Variants in DNHD1 observed in about 807,000 individuals in gnomAD.
DNHD1 encodes dynein heavy chain domain-containing protein 1.
In DNHD1, 383 loss-of-function variants were observed where a neutral mutation model predicts 458.1. The observed-to-expected ratio is 0.84, with a 90% CI of 0.77 to 0.91. The LOEUF (loss-of-function observed/expected upper bound fraction) is 0.91. DNHD1 is among the 40% of genes least tolerant of loss of function. DNHD1 has a pLI of 0.00. For synonymous variants in DNHD1, 2,203 were observed against 2,376.9 expected, an observed-to-expected ratio of 0.93 and a Z score of 2.13; for missense variants, 5,336 against 5,866.1, an observed-to-expected ratio of 0.91 and a Z score of 2.95.
At chr11:6,561,150 G>A (rs2134451156) in intron 28 of DNHD1, among the ~76,000 whole-genome samples, 1 of 152,294 alleles carries the variant, frequency 6.6e-6, no homozygotes, top group East Asian at 1.9e-4. Context: ...TTAATATTAG[G>A]TTAGGCCAGG....
chr11:6,560,592 G>A (rs1853565908), intron 28 of DNHD1, among the ~76,000 whole-genome samples: 1 of 152,156 alleles, frequency 6.6e-6, no homozygotes, highest in African/African-American at 2.4e-5. Flanking sequence ...AGTATTCCTT[G>A]ATCTGTGAGT....
intron 6 of DNHD1, among the ~76,000 whole-genome samples, chr11:6,510,936 TTCTC>T (rs1195053576): frequency 1.3e-5 from 2 of 152,154 alleles, no homozygotes; most frequent in Non-Finnish European, 2.9e-5. Flanking sequence ...ACCTTTAGCT[TTCTC>T]TATTCCAAGG....
At position 6,519,501 on chromosome 11, in the gene DNHD1, A is replaced by T. The variant is rs2134393700; in HGVS notation, c.1393-99A>T. 2.2e-6 allele frequency: 3 copies of T among 1,365,044 alleles called. No homozygotes were observed. The East Asian group carries it at 6.9e-5, about 31-fold the overall frequency. The allele number at this position is 1,365,044 out of a possible 1,614,324, so 84.6% of individuals were successfully genotyped here. ...CCCTCCATATGTATATCTAGGTTCT[A>T]GGTCCCAGACTCCAAGACCTGAGAG... On this transcript the variant is annotated intron_variant, in intron 7 of 42. Coordinates refer to ENST00000254579, the MANE Select transcript of DNHD1 (RefSeq NM_144666.3).
At chr11:6,565,331 A>AGG (rs1293149677) in intron 32 of DNHD1, among the ~76,000 whole-genome samples, 1 of 152,234 alleles carries the variant, frequency 6.6e-6, no homozygotes, top group Non-Finnish European at 1.5e-5. Context: ...TACAAGAGGC[A>AGG]GAAGAAAAGG....
At position 6,568,139 on chromosome 11, in the gene DNHD1, T is replaced by C; in HGVS notation, c.12435T>C (p.Ala4145=). The C allele has an allele frequency of 6.4e-7, 1 of 1,561,032 alleles. No individual in the cohort carries two copies. The highest frequency in any genetic ancestry group is 2.4e-5 in the East Asian group (1 of 41,732). Residue 4145 remains alanine (A), a synonymous_variant, in exon 37 of 43, where the codon GCT becomes GCC. Coordinates refer to ENST00000254579, the MANE Select transcript of DNHD1 (RefSeq NM_144666.3). ...VSVVVSTLSQ[A]MYEGHWLVLD... is the part of the protein sequence containing the mutation. ...TTGTGGTCAGCACTCTATCCCAGGC[T>C]ATGTATGAGGGGCACTGGCTGGTGC...
chr11:6,512,221 T>A, intron 7 of DNHD1, among the ~76,000 whole-genome samples: 1 of 125,788 alleles, frequency 7.9e-6, no homozygotes, highest in African/African-American at 3.4e-5. Context: ...CTTTTTTTTT[T>A]TTTTTTTTTT....
At position 6,546,253 on chromosome 11, in the gene DNHD1, C is replaced by G; in HGVS notation, c.5314C>G (p.Arg1772Gly). 6.4e-7 allele frequency: 1 copy of G among 1,552,248 alleles called. No individual in the cohort carries two copies. The highest frequency in any genetic ancestry group is 1.2e-5 in the South Asian group (1 of 84,044). Residue 1772 changes from arginine to glycine, a missense_variant, in exon 21 of 43, where the codon CGA (arginine) becomes GGA (glycine). Physicochemically the swap from Arg to Gly is moderately radical, Grantham distance 125. This residue lies in a region of DNHD1 where 3,932 missense variants were observed against 4,365.6 expected (regional missense o/e 0.90). Transcript: ENST00000254579. Reference protein sequence around the residue: ...LYAPLYQEASRNTSTIDPTQP... With the variant: ...LYAPLYQEASGNTSTIDPTQP... ...TGCCCCACTGTACCAGGAGGCTTCC[C>G]GAAACACAAGCACCATAGACCCCAC...
At chr11:6,506,353 A>C (rs1282314700) in intron 4 of DNHD1, among the ~76,000 whole-genome samples, 1 of 152,148 alleles carries the variant, frequency 6.6e-6, no homozygotes. Context: ...CTCGACCCAA[A>C]GGCTGGGGGA....
At position 6,572,012 on chromosome 11, in the gene DNHD1, G is replaced by A. The variant is rs370881184; in HGVS notation, c.*26G>A. 5.1e-6 allele frequency: 8 copies of A among 1,575,202 alleles called. No homozygotes were observed. The African/African-American group carries it at 9.4e-5, about 19-fold the overall frequency. On this transcript the variant is annotated 3_prime_UTR_variant, in exon 43 of 43. Coordinates refer to ENST00000254579, the MANE Select transcript of DNHD1 (RefSeq NM_144666.3). The stretch of plus-strand genomic sequence containing the variant: ...GCCCGTCTACCAAAATAAAGTTGTA[G>A]TGATTCCATGAAAGATTTCTGAGAT...
intron 39 of DNHD1, among the ~76,000 whole-genome samples, chr11:6,569,254 C>A (rs1179428160): frequency 6.6e-6 from 1 of 151,900 alleles, no homozygotes; most frequent in African/African-American, 2.4e-5. Flanking sequence ...GGAGGCGAGG[C>A]GGATGGATCA....
chr11:6,525,953 TCA>T (rs1350369166), intron 10 of DNHD1, among the ~76,000 whole-genome samples: 3 of 152,114 alleles, frequency 2.0e-5, no homozygotes, highest in African/African-American at 7.2e-5. Flanking sequence ...GTATGTTCTT[TCA>T]AAATGTGGCT....
rs1408375582 is a variant in DNHD1, at chr11:6,565,852, AGAG to A, written c.10915_10917del (p.Glu3639del). On this transcript the variant is annotated inframe_deletion, in exon 33 of 43. Coordinates refer to ENST00000254579, the MANE Select transcript of DNHD1 (RefSeq NM_144666.3). ...AGGAGAAAGAGCAAGAGGAAAATGAAGAGAAAGAGGAGGAGAAGACAGAGAGCC... is the reference window on the plus strand; with the variant it reads ...AGGAGAAAGAGCAAGAGGAAAATGAAAAAGAGGAGGAGAAGACAGAGAGCC... 6.4e-7 allele frequency: 1 copy of A among 1,551,714 alleles called. No homozygotes were observed. Among genetic ancestry groups the A allele is most frequent in the South Asian group, 1.2e-5 (1 of 84,060 alleles).
chr11:6,525,545 A>T (rs1284810145), intron 10 of DNHD1, among the ~76,000 whole-genome samples: 1 of 152,240 alleles, frequency 6.6e-6, no homozygotes, highest in Non-Finnish European at 1.5e-5. Context: ...TCTGTAAGTA[A>T]CAATATCTTT....
Position 6,547,551 on chromosome 11 carries a change from A to G in DNHD1, c.6612A>G (p.Val2204=). 1 of 1,551,134 alleles carries G rather than the reference A, an allele frequency of 6.4e-7. No individual in the cohort carries two copies. Among genetic ancestry groups the G allele is most frequent in the South Asian group, 1.2e-5 (1 of 84,042 alleles). ...AAGGTGTCAGCTCTCTGCTGCAGGT[A>G]CACGGGCAGCAGGCTGTTTGTGCAG... The part of the protein sequence containing the change: ...TCQGVSSLLQ[V]HGQQAVCAGV... Residue 2204 remains valine, a synonymous_variant, in exon 21 of 43, where the codon GTA becomes GTG. Coordinates refer to ENST00000254579, the MANE Select transcript of DNHD1 (RefSeq NM_144666.3).
rs900445393 is a variant in DNHD1 at position 6,528,917 on chromosome 11, C to G, written c.2143C>G (p.His715Asp). ...CKVQEFCREH[H>D]WITGIYEFLQ... ...GGTGCAGGAATTCTGCAGGGAACAT[C>G]ATTGGATAACAGGCATTTATGAATT... The change falls in exon 12 of 43, where the codon CAT (histidine) becomes GAT (aspartate). Residue 715 changes from histidine to aspartate, a missense_variant. Physicochemically the swap from His to Asp is moderately conservative, Grantham distance 81. This residue lies in a region of DNHD1 where 3,932 missense variants were observed against 4,365.6 expected (regional missense o/e 0.90). Transcript: ENST00000254579. The G allele has an allele frequency of 1.3e-6, 2 of 1,551,718 alleles. No individual in the cohort carries two copies. The highest frequency in any genetic ancestry group is 1.7e-6 in the Non-Finnish European group (2 of 1,146,996).
chr11:6,518,167 TC>T (rs1852527468), intron 7 of DNHD1, among the ~76,000 whole-genome samples: 1 of 152,202 alleles, frequency 6.6e-6, no homozygotes, highest in Non-Finnish European at 1.5e-5. Flanking sequence ...CAGGTGATCC[TC>T]CCACCTCAGC....
intron 28 of DNHD1, among the ~76,000 whole-genome samples, chr11:6,559,529 CT>C (rs1486833119): frequency 1.3e-5 from 2 of 152,224 alleles, no homozygotes; most frequent in African/African-American, 2.4e-5. Context: ...CTGGCTGCCC[CT>C]AGTACCATGA....
intron 3 of DNHD1, 94 bp from the exon 4 acceptor site, chr11:6,502,659 G>T: frequency 1.6e-6 from 2 of 1,221,446 alleles, no homozygotes; most frequent in South Asian, 1.7e-5. Context: ...ACCTGATCTA[G>T]TCCTCCTTTC....
intron 24 of DNHD1, among the ~76,000 whole-genome samples, chr11:6,550,756 A>G (rs901629394): frequency 6.6e-6 from 1 of 152,262 alleles, no homozygotes; most frequent in Non-Finnish European, 1.5e-5. Context: ...TTTAAGACAA[A>G]GGATATTACC....
Sources: allele counts gnomAD v4.1 joint callset (sites outside exome capture counted in the v4.1 genomes callset), GRCh38; gene constraint gnomAD v4.1.1; regional missense constraint gnomAD v4.1.1; transcripts MANE v1.5; gene names NCBI Gene and HGNC (gene_info 2026-07-23, HGNC 2026-07-21).